Variants in BCAS3 observed in about 807,000 individuals in gnomAD.
BCAS3 encodes the protein BCAS3 microtubule associated cell migration factor, also known as BCAS4/BCAS3 fusion.
A neutral mutation model predicts 116.1 loss-of-function variants in BCAS3; 53 were observed. The observed-to-expected ratio is 0.46, with a 90% CI of 0.37 to 0.57. The LOEUF (loss-of-function observed/expected upper bound fraction) is 0.57, where lower values mean the gene tolerates loss of function less well. Ranked by LOEUF, BCAS3 falls within the 20% of genes least tolerant of loss-of-function variation. BCAS3 has a pLI of 0.00. For synonymous variants in BCAS3, 391 were observed against 408.2 expected, an observed-to-expected ratio of 0.96 and a Z score of 0.51; for missense variants, 917 against 1,165.4, an observed-to-expected ratio of 0.79 and a Z score of 3.10.
At chr17:60,845,134 C>T (rs1363903010) in intron 7 of BCAS3, among the ~76,000 whole-genome samples, 1 of 152,208 alleles carries the variant, frequency 6.6e-6, no homozygotes, top group African/African-American at 2.4e-5. Context: ...GAGCCTGAGG[C>T]AGGAGAATCG....
At chr17:60,841,727 TG>T (rs2051949180) in intron 7 of BCAS3, among the ~76,000 whole-genome samples, 1 of 151,954 alleles carries the variant, frequency 6.6e-6, no homozygotes, top group African/African-American at 2.4e-5. Flanking sequence ...ACAATTTAAC[TG>T]GTTCATTACC....
In BCAS3 at chr17:61,337,192, A is replaced by T. The variant is rs1240584002; in HGVS notation, c.2426-31135A>T. On this transcript the variant is annotated intron_variant, in intron 22 of 23. Coordinates refer to ENST00000407086, the MANE Select transcript of BCAS3 (RefSeq NM_017679.5). The surrounding 1 kb of genome is among the most constrained non-coding windows in gnomAD (Gnocchi z 4.8). ...GCCCAGGCTCCCTTTTTTATACTTT[A>T]TTTAAATCGCCTCACCCGAGTGGAA... Among the ~76,000 whole-genome samples, 1 of 152,080 alleles carries T rather than the reference A, an allele frequency of 6.6e-6. No homozygotes were observed. The highest frequency in any genetic ancestry group is 1.5e-5 in the Non-Finnish European group (1 of 68,018).
At chr17:60,875,330 T>C (rs1324118936) in intron 9 of BCAS3, among the ~76,000 whole-genome samples, 1 of 152,108 alleles carries the variant, frequency 6.6e-6, no homozygotes. Context: ...CTTGAGATTT[T>C]CTAATAGGAG....
rs1422856439 is a variant in BCAS3, at chr17:61,248,923, G to A, written c.2426-119404G>A. 1.3e-5 allele frequency among the ~76,000 whole-genome samples: 2 copies of A among 152,154 alleles called. No individual in the cohort carries two copies. The highest frequency in any genetic ancestry group is 2.9e-5 in the Non-Finnish European group (2 of 68,038). ...CCTTCTTCTTTGCTCTTAAAGATAA[G>A]ACGTTGTTTAGATGAATATATATTC... On this transcript the variant is annotated intron_variant, in intron 22 of 23. Transcript: ENST00000407086. The surrounding 1 kb of genome is among the most constrained non-coding windows in gnomAD (Gnocchi z 4.3).
intron 6 of BCAS3, among the ~76,000 whole-genome samples, chr17:60,783,021 A>T (rs2045965661): frequency 1.3e-5 from 2 of 152,202 alleles, no homozygotes; most frequent in South Asian, 4.1e-4. Context: ...AGGGATGAAT[A>T]GCCAGAGCAC....
intron 22 of BCAS3, among the ~76,000 whole-genome samples, chr17:61,193,493 C>T (rs1035531081): frequency 6.6e-6 from 1 of 152,052 alleles, no homozygotes; most frequent in Non-Finnish European, 1.5e-5. Flanking sequence ...TGCGGTGGCT[C>T]ACGCCTGTAA....
intron 19 of BCAS3, among the ~76,000 whole-genome samples, chr17:61,050,169 C>CTA (rs2068728298): frequency 3.3e-5 from 5 of 151,894 alleles, no homozygotes; most frequent in Admixed American, 3.3e-4. Flanking sequence ...AAGTTATCAG[C>CTA]TTCATATGAA....
Position 61,105,356 on chromosome 17 carries a change from T to G in BCAS3, c.2425+20792T>G, listed in dbSNP as rs1409089410. Among the ~76,000 whole-genome samples the G allele has an allele frequency of 6.6e-6, 1 of 152,216 alleles. No individual in the cohort carries two copies. The highest frequency in any genetic ancestry group is 2.4e-5 in the African/African-American group (1 of 41,448). Reference sequence around the variant, plus strand: ...GGTTTTCAATAAAACTTAAGTGGAATGTGGCTAGAAAAGCAGACCCATGAA... The same window carrying G: ...GGTTTTCAATAAAACTTAAGTGGAAGGTGGCTAGAAAAGCAGACCCATGAA... On this transcript the variant is annotated intron_variant, in intron 22 of 23. Coordinates refer to ENST00000407086, the MANE Select transcript of BCAS3 (RefSeq NM_017679.5). This position sits in a 1 kb window ranked among gnomAD's most constrained non-coding sequence, Gnocchi z 4.3.
chr17:61,062,365 C>A (rs2070145636), intron 19 of BCAS3, among the ~76,000 whole-genome samples: 1 of 152,170 alleles, frequency 6.6e-6, no homozygotes, highest in African/African-American at 2.4e-5. Context: ...CTTATTGTTA[C>A]ATATGAGTCT....
chr17:61,283,697 C>T (rs2051449159), intron 22 of BCAS3, among the ~76,000 whole-genome samples: 1 of 152,140 alleles, frequency 6.6e-6, no homozygotes, highest in Non-Finnish European at 1.5e-5. Context: ...TCGTAATCCA[C>T]CTTCCTCAGC....
chr17:61,272,469 C>CA (rs1033013559), intron 22 of BCAS3, among the ~76,000 whole-genome samples: 5 of 150,506 alleles, frequency 3.3e-5, no homozygotes, highest in Non-Finnish European at 7.4e-5. Context: ...CCTGTCTCTA[C>CA]AAAAAATACA....
chr17:60,854,864 C>T (rs1415881026), intron 7 of BCAS3, among the ~76,000 whole-genome samples: 2 of 151,632 alleles, frequency 1.3e-5, no homozygotes, highest in East Asian at 3.9e-4. Flanking sequence ...GCAAGTTGCC[C>T]TTCAGTAGAT....
At chr17:61,252,098 G>A (rs1434028507) in intron 22 of BCAS3, among the ~76,000 whole-genome samples, 3 of 152,200 alleles carry the variant, frequency 2.0e-5, no homozygotes, top group South Asian at 2.1e-4. Flanking sequence ...CAATTAAAAC[G>A]TATGCTCCAA....
At chr17:61,283,676 A>G (rs1321992166) in intron 22 of BCAS3, among the ~76,000 whole-genome samples, 1 of 151,960 alleles carries the variant, frequency 6.6e-6, no homozygotes, top group Non-Finnish European at 1.5e-5. Context: ...GATGGTCTCA[A>G]TCTTCTGACC....
chr17:61,218,437 T>C (rs1401421063), intron 22 of BCAS3, among the ~76,000 whole-genome samples: 2 of 152,226 alleles, frequency 1.3e-5, no homozygotes, highest in Non-Finnish European at 2.9e-5. Context: ...TGGCATCAGT[T>C]AAATTTCATG....
At chr17:60,873,230 A>G (rs2055292489) in intron 8 of BCAS3, among the ~76,000 whole-genome samples, 1 of 152,100 alleles carries the variant, frequency 6.6e-6, no homozygotes, top group Non-Finnish European at 1.5e-5. Flanking sequence ...AGTAAAATAT[A>G]TAGAGAAAAG....
At chr17:60,698,756 T>C (rs903645587) in intron 4 of BCAS3, among the ~76,000 whole-genome samples, 17 of 152,076 alleles carry the variant, frequency 1.1e-4, no homozygotes, top group African/African-American at 4.1e-4. Flanking sequence ...CCTCTCTGCA[T>C]ATAAAAAAGG....
Position 60,972,337 on chromosome 17 carries a change from C to G in BCAS3, c.1222-17634C>G, listed in dbSNP as rs78275926. On this transcript the variant is annotated intron_variant, in intron 14 of 23. Transcript: ENST00000407086. ...TTTTAATGTGCACATGCCAGTTGCT[C>G]CAGTGACAATTGCCCTTCAGTAATG... 3.6e-3 allele frequency among the ~76,000 whole-genome samples: 543 copies of G among 152,148 alleles called. 10 individuals are homozygous for G. The East Asian group carries it at 0.076, about 21-fold the overall frequency.
chr17:60,812,332 A>T (rs1784232831), intron 7 of BCAS3, among the ~76,000 whole-genome samples: 1 of 152,204 alleles, frequency 6.6e-6, no homozygotes, highest in African/African-American at 2.4e-5. Context: ...GTTTGCAAAA[A>T]AATGTGACTT....
Sources: gnomAD v4.1 joint callset for allele counts (sites outside exome capture counted in the v4.1 genomes callset) on GRCh38, gnomAD v4.1.1 for gene constraint, Gnocchi (gnomAD v3.1) non-coding constraint, MANE v1.5 for transcripts, NCBI Gene and HGNC (gene_info 2026-07-23, HGNC 2026-07-21) for gene names.